Variants in GABBR2 observed in about 807,000 individuals in gnomAD.
GABBR2 encodes the protein G-protein coupled receptor 51.
In GABBR2, 23 loss-of-function variants were observed where a neutral mutation model predicts 105.6. That is an observed-to-expected ratio of 0.22 (90% CI 0.16 to 0.31). The LOEUF is 0.31. GABBR2 is among the 10% of genes least tolerant of loss of function. The pLI is 1.00. For missense variants in GABBR2, 734 were observed against 1,245.5 expected, an observed-to-expected ratio of 0.59 and a Z score of 6.18; for synonymous variants, 478 against 499.7, an observed-to-expected ratio of 0.96 and a Z score of 0.58.
intron 3 of GABBR2, among the ~76,000 whole-genome samples, chr9:98,511,810 C>G (rs1827650121): frequency 6.6e-6 from 1 of 152,160 alleles, no homozygotes; most frequent in African/African-American, 2.4e-5. Context: ...GGATTCACAG[C>G]CGAATTCTAC....
intron 4 of GABBR2, among the ~76,000 whole-genome samples, chr9:98,483,465 A>G (rs531860848): frequency 1.3e-5 from 2 of 152,310 alleles, no homozygotes; most frequent in African/African-American, 4.8e-5. Context: ...TGAGGTTTGC[A>G]GATCAAACAC....
At chr9:98,407,542 T>C (rs943957576) in intron 7 of GABBR2, among the ~76,000 whole-genome samples, 16 of 152,124 alleles carry the variant, frequency 1.1e-4, no homozygotes, top group South Asian at 4.1e-4. Context: ...CGAGGGACAA[T>C]TGAAAATCAC....
intron 7 of GABBR2, among the ~76,000 whole-genome samples, chr9:98,426,462 T>C (rs1489637378): frequency 6.6e-6 from 1 of 152,228 alleles, no homozygotes; most frequent in African/African-American, 2.4e-5. Flanking sequence ...CAGGCTCTCC[T>C]GGATCTCACA....
At chr9:98,404,430 G>C (rs1832453866) in intron 8 of GABBR2, among the ~76,000 whole-genome samples, 1 of 152,164 alleles carries the variant, frequency 6.6e-6, no homozygotes, top group African/African-American at 2.4e-5. Flanking sequence ...TGATTGATCT[G>C]AATCCTGGTG....
intron 11 of GABBR2, among the ~76,000 whole-genome samples, chr9:98,375,460 G>A (rs1201850497): frequency 6.6e-6 from 1 of 152,162 alleles, no homozygotes; most frequent in African/African-American, 2.4e-5. Context: ...CCCACTAGAT[G>A]AAGCTACTGG....
At chr9:98,461,720 A>G (rs1826426680) in intron 6 of GABBR2, among the ~76,000 whole-genome samples, 1 of 152,188 alleles carries the variant, frequency 6.6e-6, no homozygotes, top group Non-Finnish European at 1.5e-5. Flanking sequence ...TAAAGAAAGG[A>G]GGCTTAATTG....
intron 2 of GABBR2, among the ~76,000 whole-genome samples, chr9:98,569,809 T>C (rs895546837): frequency 1.3e-5 from 2 of 152,032 alleles, no homozygotes; most frequent in East Asian, 1.9e-4. Context: ...TACCTCAAAT[T>C]CCACAAGCCA....
Position 98,409,318 on chromosome 9 carries a change from G to T in GABBR2, c.1237-3177C>A, listed in dbSNP as rs74484976. ...CAGGTTGGAGAAGATTGCACTGTCT[G>T]TGGGGTACAGAATGGATGGTAGTGT... On this transcript the variant is annotated intron_variant, in intron 7 of 18. Transcript: ENST00000259455. Among the ~76,000 whole-genome samples the T allele has an allele frequency of 8.8e-4, 134 of 152,344 alleles. No individual in the cohort carries two copies. The East Asian group carries it at 0.022, about 25-fold the overall frequency.
chr9:98,415,974 T>C (rs557364961), intron 7 of GABBR2, among the ~76,000 whole-genome samples: 5 of 152,170 alleles, frequency 3.3e-5, no homozygotes, highest in Admixed American at 1.3e-4. Flanking sequence ...GTGGGTGTAG[T>C]AGGAGTAGGC....
intron 3 of GABBR2, among the ~76,000 whole-genome samples, chr9:98,499,293 C>T (rs1367652649): frequency 3.3e-5 from 5 of 152,188 alleles, no homozygotes; most frequent in Non-Finnish European, 7.3e-5. Flanking sequence ...GAACTCAAAA[C>T]GAATAGACAA....
chr9:98,505,021 C>G (rs1244117828), intron 3 of GABBR2, among the ~76,000 whole-genome samples: 1 of 152,202 alleles, frequency 6.6e-6, no homozygotes, highest in East Asian at 1.9e-4. Context: ...TGCGCACCCC[C>G]GTGGTGCTGG....
At chr9:98,603,630 G>C (rs989771359) in intron 1 of GABBR2, among the ~76,000 whole-genome samples, 10 of 152,078 alleles carry the variant, frequency 6.6e-5, no homozygotes, top group Admixed American at 2.0e-4. Flanking sequence ...CACAAGTCAG[G>C]CTCCACCAGT....
In GABBR2 at chr9:98,534,493, G is replaced by A. The variant is rs1828130731; in HGVS notation, c.630+7380C>T. On this transcript the variant is annotated intron_variant, in intron 3 of 18. Transcript: ENST00000259455. ...CAGCTGCCCCTTGCATGGTGCTGAG[G>A]ATAAGCCAGGCACTTTTCTTAGTAG... Among the ~76,000 whole-genome samples, 3 of 152,288 alleles carry A rather than the reference G, an allele frequency of 2.0e-5. No homozygotes were observed. The South Asian group carries it at 6.2e-4, about 32-fold the overall frequency.
intron 1 of GABBR2, among the ~76,000 whole-genome samples, chr9:98,665,573 G>GA (rs1564145608): frequency 6.6e-6 from 1 of 152,070 alleles, no homozygotes; most frequent in South Asian, 2.1e-4. Flanking sequence ...AATCTGGTGG[G>GA]AAAAAAACAC....
intron 11 of GABBR2, among the ~76,000 whole-genome samples, chr9:98,383,972 G>T (rs942307742): frequency 6.6e-6 from 1 of 152,178 alleles, no homozygotes; most frequent in African/African-American, 2.4e-5. Flanking sequence ...GGGCAACACT[G>T]AGGCTTGTGA....
Position 98,461,319 on chromosome 9 carries a change from C to A in GABBR2, c.1000-7102G>T, listed in dbSNP as rs555615422. ...GGATTTATACTACAAAGTATCAAATCATACTTCAGTAATTAAAACAGGGTG... is the reference window on the plus strand; with the variant it reads ...GGATTTATACTACAAAGTATCAAATAATACTTCAGTAATTAAAACAGGGTG... On this transcript the variant is annotated intron_variant, in intron 6 of 18. Transcript: ENST00000259455. Among the ~76,000 whole-genome samples the A allele has an allele frequency of 2.6e-5, 4 of 152,222 alleles. No individual in the cohort carries two copies. The East Asian group carries it at 7.7e-4, about 29-fold the overall frequency.
In GABBR2 at chr9:98,290,938, A is replaced by G. The variant is rs544356680; in HGVS notation, c.2661-189T>C. Among the ~76,000 whole-genome samples the G allele has an allele frequency of 6.8e-4, 104 of 152,300 alleles. 1 individual carries two copies. Among genetic ancestry groups the G allele is most frequent in the African/African-American group, 2.3e-3 (94 of 41,568 alleles). On this transcript the variant is annotated intron_variant, in intron 18 of 18. Coordinates refer to ENST00000259455, the MANE Select transcript of GABBR2 (RefSeq NM_005458.8). The stretch of plus-strand genomic sequence containing the variant: ...TATTTAATGAGGGCCCATATGTACC[A>G]GCTACTGCCCTGGGAATGACCAGGG...
intron 7 of GABBR2, among the ~76,000 whole-genome samples, chr9:98,432,986 G>A (rs994866103): frequency 5.3e-5 from 8 of 152,176 alleles, no homozygotes; most frequent in African/African-American, 1.4e-4. Context: ...GAAATGGGAC[G>A]TGTTTCCATT....
chr9:98,703,636 G>A (rs2131888868), intron 1 of GABBR2, among the ~76,000 whole-genome samples: 1 of 152,008 alleles, frequency 6.6e-6, no homozygotes, highest in East Asian at 1.9e-4. Context: ...GGGACCACAG[G>A]CACATACCAC....
Sources: gnomAD v4.1 joint callset for allele counts (sites outside exome capture counted in the v4.1 genomes callset) on GRCh38, gnomAD v4.1.1 for gene constraint, MANE v1.5 for transcripts, NCBI Gene and HGNC (gene_info 2026-07-23, HGNC 2026-07-21) for gene names.